The following SND1 variants were observed in gnomAD, a reference collection of about 807,000 sequenced individuals.
The protein encoded by SND1 is staphylococcal nuclease domain-containing protein 1.
In SND1, 38 loss-of-function variants were observed where a neutral mutation model predicts 121.7. That is an observed-to-expected ratio of 0.31 (90% CI 0.24 to 0.41). The LOEUF is 0.41. Among genes scored for constraint, SND1 ranks in the 10% least tolerant of loss-of-function variants. The pLI is 1.00. For missense variants in SND1, 868 were observed against 1,184.6 expected (o/e 0.73, Z 3.92); for synonymous variants, 401 against 447.4 (o/e 0.90, Z 1.31).
intron 1 of SND1, chr7:127,679,150 A>G (rs1795663746): frequency 6.6e-6 from 1 of 152,020 alleles, no homozygotes; most frequent in Admixed American, 6.5e-5. Flanking sequence ...GCTTCTGGCC[A>G]TTTTCATCCT....
chr7:127,821,509 C>T (rs1798548637), intron 11 of SND1, among the ~76,000 whole-genome samples: 1 of 152,126 alleles, frequency 6.6e-6, no homozygotes, highest in Non-Finnish European at 1.5e-5. Flanking sequence ...GGATTGATTT[C>T]TCTGTGTCCT....
intron 14 of SND1, among the ~76,000 whole-genome samples, chr7:127,916,596 T>C (rs189256000): frequency 1.3e-5 from 2 of 152,234 alleles, no homozygotes; most frequent in East Asian, 3.9e-4. Context: ...TACGTATGGA[T>C]GGGGAGTGTT....
At chr7:127,771,877 G>A (rs914226147) in intron 10 of SND1, among the ~76,000 whole-genome samples, 8 of 152,032 alleles carry the variant, frequency 5.3e-5, no homozygotes, top group African/African-American at 1.9e-4. Context: ...AAATTGCCCA[G>A]CAGATTTGGA....
chr7:127,872,739 T>C (rs1461688728), intron 12 of SND1, among the ~76,000 whole-genome samples: 5 of 151,862 alleles, frequency 3.3e-5, no homozygotes, highest in African/African-American at 7.2e-5. Context: ...AAAACAAACA[T>C]AATAAGCTAA....
intron 10 of SND1, among the ~76,000 whole-genome samples, chr7:127,763,193 A>G (rs905293567): frequency 6.6e-6 from 1 of 152,238 alleles, no homozygotes; most frequent in African/African-American, 2.4e-5. Context: ...AATGTTACTT[A>G]AAATCAAGCA....
chr7:128,086,612 C>T (rs948160921), intron 20 of SND1: 15 of 386,842 alleles, frequency 3.9e-5, no homozygotes, highest in African/African-American at 1.5e-4. Flanking sequence ...GTCAGGGAAC[C>T]CATGTCACAG....
At chr7:127,810,996 T>C (rs573888969) in intron 11 of SND1, among the ~76,000 whole-genome samples, 2 of 152,238 alleles carry the variant, frequency 1.3e-5, no homozygotes, top group East Asian at 3.9e-4. Flanking sequence ...GTGCTGACAG[T>C]AGATGCTCAT....
chr7:127,698,815 T>C lies in SND1; in HGVS notation c.350-60T>C, dbSNP rs1228425602. ...AGTGTGAAAGTGGTCCCATTTGGGC[T>C]CTGTTGCTGTTGGAGGCAGGTTTGA... On this transcript the variant is annotated intron_variant, in intron 3 of 23. Transcript: ENST00000354725. 7 of 1,380,248 alleles carry C rather than the reference T, an allele frequency of 5.1e-6. No homozygotes were observed. The Admixed American group carries it at 1.2e-4, about 23-fold the overall frequency. The allele number at this position is 1,380,248 out of a possible 1,614,324, so 85.5% of individuals were successfully genotyped here.
intron 16 of SND1, among the ~76,000 whole-genome samples, chr7:128,036,890 C>T (rs1212792735): frequency 6.6e-6 from 1 of 152,168 alleles, no homozygotes; most frequent in East Asian, 1.9e-4. Flanking sequence ...TCTTTAATTG[C>T]CTGTGTATAG....
At chr7:127,963,280 T>C (rs1339433644) in intron 15 of SND1, among the ~76,000 whole-genome samples, 1 of 150,892 alleles carries the variant, frequency 6.6e-6, no homozygotes, top group Non-Finnish European at 1.5e-5. Context: ...ATACTTTAAG[T>C]TTTAGGGTAC....
chr7:127,945,443 A>G (rs971561473), intron 15 of SND1, among the ~76,000 whole-genome samples: 1 of 152,088 alleles, frequency 6.6e-6, no homozygotes, highest in Admixed American at 6.5e-5. Flanking sequence ...GTGAGCCGAG[A>G]TCGCACCACT....
At chr7:128,074,781 C>A in intron 17 of SND1, 91 bp downstream of exon 17, 2 of 1,264,534 alleles carry the variant, frequency 1.6e-6, no homozygotes, top group Non-Finnish European at 2.2e-6. Flanking sequence ...AGGAAGTTCT[C>A]TCATCCCCAC....
chr7:127,927,628 C>T (rs898966230), intron 14 of SND1, among the ~76,000 whole-genome samples: 1 of 152,196 alleles, frequency 6.6e-6, no homozygotes, highest in African/African-American at 2.4e-5. Context: ...CTGTTAGAGA[C>T]ACTGAGAATG....
At chr7:128,082,158 C>A (rs1320446066) in intron 18 of SND1, among the ~76,000 whole-genome samples, 1 of 152,212 alleles carries the variant, frequency 6.6e-6, no homozygotes, top group African/African-American at 2.4e-5. Context: ...GCTCTGGCAG[C>A]CGCTAGCCCG....
chr7:127,967,061 CT>C (rs1801869192), intron 15 of SND1, among the ~76,000 whole-genome samples: 1 of 152,134 alleles, frequency 6.6e-6, no homozygotes, highest in African/African-American at 2.4e-5. Context: ...TTCCCAAATC[CT>C]GTAGCACCCT....
chr7:127,852,490 T>TAAAAA (rs779324036), intron 12 of SND1, among the ~76,000 whole-genome samples: 7 of 83,936 alleles, frequency 8.3e-5, no homozygotes, highest in Admixed American at 8.2e-4. Context: ...AGACTCCCTC[T>TAAAAA]AAAAAAAAAA....
chr7:127,720,312 C>G (rs928721485), intron 9 of SND1, among the ~76,000 whole-genome samples: 1 of 152,070 alleles, frequency 6.6e-6, no homozygotes, highest in African/African-American at 2.4e-5. Context: ...CCGATTGAAG[C>G]CTAGAAGAGT....
intron 21 of SND1, among the ~76,000 whole-genome samples, chr7:128,088,448 T>A (rs61632283): frequency 1.3e-5 from 1 of 74,278 alleles, no homozygotes. Flanking sequence ...CTATCTCTCT[T>A]TTTTTTTTTT....
intron 1 of SND1, among the ~76,000 whole-genome samples, chr7:127,662,527 G>T (rs1275694339): frequency 6.6e-6 from 1 of 152,146 alleles, no homozygotes; most frequent in African/African-American, 2.4e-5. Flanking sequence ...GCAGCCACTG[G>T]TACCTTTTTT....
Sources: gnomAD v4.1 joint callset for allele counts (sites outside exome capture counted in the v4.1 genomes callset) on GRCh38, gnomAD v4.1.1 for gene constraint, MANE v1.5 for transcripts, NCBI Gene and HGNC (gene_info 2026-07-23, HGNC 2026-07-21) for gene names.